The following LRRTM4 variants were observed in gnomAD, a reference collection of about 807,000 sequenced individuals.
LRRTM4 encodes the protein leucine-rich repeat transmembrane neuronal protein 4.
Under a neutral mutation model 47.6 loss-of-function variants are expected in LRRTM4, and 25 were observed. That is an observed-to-expected ratio of 0.53 (90% CI 0.38 to 0.73). The LOEUF (loss-of-function observed/expected upper bound fraction) is 0.73. LRRTM4 is among the 30% of genes least tolerant of loss of function. The pLI is 0.00. For missense variants in LRRTM4, 638 were observed against 713.4 expected (o/e 0.89, Z 1.20); for synonymous variants, 311 against 269.5 (o/e 1.15, Z -1.51).
intron 3 of LRRTM4, among the ~76,000 whole-genome samples, chr2:76,866,984 C>G (rs546478182): frequency 1.3e-4 from 20 of 152,100 alleles, no homozygotes; most frequent in African/African-American, 4.3e-4. Context: ...AAACCAAACA[C>G]TGCATATTCT....
At chr2:76,993,798 C>A (rs1584235) in intron 3 of LRRTM4, among the ~76,000 whole-genome samples, 1 of 151,810 alleles carries the variant, frequency 6.6e-6, no homozygotes, top group Non-Finnish European at 1.5e-5. Flanking sequence ...AAAAGACACA[C>A]GCCCTTGTAA....
At chr2:76,792,921 TG>T (rs1288098868) in intron 3 of LRRTM4, among the ~76,000 whole-genome samples, 1 of 152,152 alleles carries the variant, frequency 6.6e-6, no homozygotes, top group African/African-American at 2.4e-5. Flanking sequence ...ATATTTTCCC[TG>T]GGTTTTTGGT....
At chr2:77,490,253 A>C (rs1240488551) in intron 3 of LRRTM4, among the ~76,000 whole-genome samples, 2 of 152,088 alleles carry the variant, frequency 1.3e-5, no homozygotes, top group Non-Finnish European at 2.9e-5. Flanking sequence ...CTGTCTCAAA[A>C]AAAACAAAAC....
chr2:76,797,629 T>A (rs1158324474), intron 3 of LRRTM4, among the ~76,000 whole-genome samples: 2 of 151,142 alleles, frequency 1.3e-5, no homozygotes, highest in African/African-American at 2.4e-5. Flanking sequence ...TAACTTTAAA[T>A]GTAAATGGAC....
chr2:77,221,188 A>G (rs1188772321), intron 3 of LRRTM4, among the ~76,000 whole-genome samples: 3 of 152,218 alleles, frequency 2.0e-5, no homozygotes, highest in Non-Finnish European at 4.4e-5. Context: ...CCTGCCCTAA[A>G]AGAGCTCCTG....
chr2:76,924,425 C>T (rs750014690), intron 3 of LRRTM4, among the ~76,000 whole-genome samples: 1 of 152,024 alleles, frequency 6.6e-6, no homozygotes, highest in Non-Finnish European at 1.5e-5. Context: ...TTAGGAAGAA[C>T]TTGATAGATG....
At chr2:76,960,493 T>A (rs1254538848) in intron 3 of LRRTM4, among the ~76,000 whole-genome samples, 2 of 151,648 alleles carry the variant, frequency 1.3e-5, no homozygotes, top group African/African-American at 4.8e-5. Flanking sequence ...ATTATTTCTC[T>A]TCTCAGAAGT....
At chr2:76,898,225 C>T (rs1350277855) in intron 3 of LRRTM4, among the ~76,000 whole-genome samples, 1 of 151,990 alleles carries the variant, frequency 6.6e-6, no homozygotes, top group East Asian at 1.9e-4. Context: ...CATGAGAGTG[C>T]TTTGACAAAT....
At chr2:77,431,141 A>G (rs577435240) in intron 3 of LRRTM4, among the ~76,000 whole-genome samples, 3 of 149,120 alleles carry the variant, frequency 2.0e-5, no homozygotes, top group Admixed American at 6.6e-5. Flanking sequence ...CTCAGCCTCC[A>G]TGACCGCATG....
At chr2:76,767,740 C>T (rs1301702141) in intron 3 of LRRTM4, among the ~76,000 whole-genome samples, 1 of 152,064 alleles carries the variant, frequency 6.6e-6, no homozygotes, top group African/African-American at 2.4e-5. Context: ...TCCTGCTTCC[C>T]TTTTTCTCTT....
At chr2:77,385,575 A>G (rs557482939) in intron 3 of LRRTM4, among the ~76,000 whole-genome samples, 1 of 152,140 alleles carries the variant, frequency 6.6e-6, no homozygotes, top group Admixed American at 6.5e-5. Context: ...GAAGAAGTAT[A>G]ATTTCTGATA....
intron 3 of LRRTM4, among the ~76,000 whole-genome samples, chr2:77,455,159 G>T (rs1676475606): frequency 6.6e-6 from 1 of 152,194 alleles, no homozygotes; most frequent in Non-Finnish European, 1.5e-5. Flanking sequence ...CTGCACTCTA[G>T]CCTGGATGAC....
At chr2:77,217,440 A>AAAATATATATATATATAT (rs1674484223) in intron 3 of LRRTM4, among the ~76,000 whole-genome samples, 1 of 76,818 alleles carries the variant, frequency 1.3e-5, no homozygotes, top group African/African-American at 6.2e-5. Context: ...CTCCAAATGA[A>AAAATATATATATATATAT]ATATATATAT....
intron 3 of LRRTM4, among the ~76,000 whole-genome samples, chr2:76,800,320 T>A (rs1201876579): frequency 1.4e-5 from 2 of 147,900 alleles, no homozygotes; most frequent in Non-Finnish European, 3.0e-5. Flanking sequence ...CTATCTGATC[T>A]TTGACAAACC....
At chr2:77,106,972 G>A (rs866147343) in intron 3 of LRRTM4, among the ~76,000 whole-genome samples, 2 of 151,890 alleles carry the variant, frequency 1.3e-5, no homozygotes, top group Non-Finnish European at 2.9e-5. Context: ...GAAACTATAT[G>A]TAAGAAAATT....
At chr2:77,194,797 G>A (rs1180683466) in intron 3 of LRRTM4, among the ~76,000 whole-genome samples, 1 of 151,728 alleles carries the variant, frequency 6.6e-6, no homozygotes, top group Non-Finnish European at 1.5e-5. Context: ...GGAAGATGGG[G>A]GCTGTGATGA....
chr2:77,474,609 G>C (rs976908241), intron 3 of LRRTM4, among the ~76,000 whole-genome samples: 5 of 151,984 alleles, frequency 3.3e-5, no homozygotes, highest in African/African-American at 1.2e-4. Context: ...AGGAACTCTG[G>C]TACCAAATTG....
At chr2:77,134,706 A>C (rs915721011) in intron 3 of LRRTM4, among the ~76,000 whole-genome samples, 2 of 152,186 alleles carry the variant, frequency 1.3e-5, no homozygotes, top group African/African-American at 4.8e-5. Flanking sequence ...CATGACTAAA[A>C]ATACCATATC....
chr2:76,781,351 C>T (rs1488911487), intron 3 of LRRTM4, among the ~76,000 whole-genome samples: 1 of 150,908 alleles, frequency 6.6e-6, no homozygotes, highest in Non-Finnish European at 1.5e-5. Flanking sequence ...CCTCCCCCAG[C>T]CTGGCTGCCG....
Sources: gnomAD v4.1 joint callset for allele counts (sites outside exome capture counted in the v4.1 genomes callset) on GRCh38, gnomAD v4.1.1 for gene constraint, MANE v1.5 for transcripts, NCBI Gene and HGNC (gene_info 2026-07-23, HGNC 2026-07-21) for gene names.